PHLPP2: variants seen among roughly 807,000 people sequenced by gnomAD.
PHLPP2 encodes the protein PH domain leucine-rich repeat-containing protein phosphatase 2.
In PHLPP2, 66 loss-of-function variants were observed where a neutral mutation model predicts 124.9. The ratio of observed to expected loss-of-function variants is 0.53; its 90% CI spans 0.43 to 0.65. The LOEUF is 0.65. Ranked by LOEUF, PHLPP2 falls within the 30% of genes least tolerant of loss-of-function variation. The pLI, the probability that PHLPP2 is intolerant of heterozygous loss-of-function variation, is 0.00. For missense variants in PHLPP2, 1,685 were observed against 1,600.4 expected (o/e 1.05, Z -0.90); for synonymous variants, 681 against 624.7 (o/e 1.09, Z -1.34).
intron 3 of PHLPP2, among the ~76,000 whole-genome samples, chr16:71,702,000 AG>A (rs1462023428): frequency 3.9e-5 from 6 of 152,304 alleles, no homozygotes; most frequent in Non-Finnish European, 8.8e-5. Context: ...CCAGTGGATA[AG>A]GGGGGACTAC....
chr16:71,659,826 A>G (rs1017291631), intron 13 of PHLPP2, among the ~76,000 whole-genome samples: 3 of 152,314 alleles, frequency 2.0e-5, no homozygotes, highest in African/African-American at 4.8e-5. Flanking sequence ...GTTAACATGG[A>G]GAGAAAGTGA....
chr16:71,651,123 T>C (rs906515366), intron 18 of PHLPP2, among the ~76,000 whole-genome samples: 1 of 152,160 alleles, frequency 6.6e-6, no homozygotes, highest in Admixed American at 6.6e-5. Flanking sequence ...ACGGATCACC[T>C]GAGATGGGAG....
At chr16:71,660,151 C>T (rs1051587512) in intron 13 of PHLPP2, among the ~76,000 whole-genome samples, 7 of 151,708 alleles carry the variant, frequency 4.6e-5, no homozygotes, top group African/African-American at 1.7e-4. Context: ...TCTCTGATAA[C>T]ATTTTAGTAG....
chr16:71,676,953 T>C, intron 8 of PHLPP2: 1 of 332,860 alleles, frequency 3.0e-6, no homozygotes, highest in Non-Finnish European at 5.7e-6. Context: ...TTCACCATGT[T>C]GGCCAGGCTT....
At chr16:71,667,130 G>A (rs767141226) in intron 12 of PHLPP2, 48 bp downstream of exon 12, 2 of 1,504,232 alleles carry the variant, frequency 1.3e-6, no homozygotes, top group Admixed American at 3.5e-5. Context: ...ACTGCAGTCT[G>A]TTTAGCCAAT....
intron 1 of PHLPP2, among the ~76,000 whole-genome samples, chr16:71,723,029 T>C (rs1206758622): frequency 6.6e-6 from 1 of 152,214 alleles, no homozygotes; most frequent in Non-Finnish European, 1.5e-5. Context: ...GAAGCCCCGC[T>C]AGCTGCCTGT....
chr16:71,681,851 C>T lies in PHLPP2; in HGVS notation c.790G>A (p.Val264Ile), dbSNP rs2045001989. 1.9e-6 allele frequency: 3 copies of T among 1,613,606 alleles called. No homozygotes were observed. In the African/African-American group the frequency reaches 4.0e-5, roughly 22 times the overall value. Reference sequence around the variant, plus strand: ...TGACTATAGAAGAGATGCTCAGGAACCTCCTCGAGGCTGTAACACGAGAGA... The same window carrying T: ...TGACTATAGAAGAGATGCTCAGGAATCTCCTCGAGGCTGTAACACGAGAGA... ...VDLSCYSLEE[V>I]PEHLFYSQDI... is the part of the protein sequence containing the mutation. Residue 264 changes from valine (V) to isoleucine (I), a missense_variant, in exon 6 of 19, where the codon GTT becomes ATT. Coordinates refer to ENST00000568954, the MANE Select transcript of PHLPP2 (RefSeq NM_015020.3).
At chr16:71,677,785 C>A (rs1400320841) in intron 8 of PHLPP2, 2 of 151,806 alleles carry the variant, frequency 1.3e-5, no homozygotes, top group Non-Finnish European at 2.9e-5. Flanking sequence ...AGTAATGAAA[C>A]CCTTAACATT....
chr16:71,720,393 T>C (rs962577482), intron 1 of PHLPP2, among the ~76,000 whole-genome samples: 6 of 152,142 alleles, frequency 3.9e-5, no homozygotes, highest in Admixed American at 1.3e-4. Context: ...GTTGGGATTA[T>C]AGTAGTTAGC....
rs1279279287 is a variant in PHLPP2 at position 71,663,354 on chromosome 16, G to A, written c.1985+545C>T. On this transcript the variant is annotated intron_variant, in intron 13 of 18. Coordinates refer to ENST00000568954, the MANE Select transcript of PHLPP2 (RefSeq NM_015020.3). ...TCTCGAACTCACGAACTTGTGATCC[G>A]CCCGCCTTGGCCTCCCAAAGTGTTG... Among the ~76,000 whole-genome samples, 5 of 152,278 alleles carry A rather than the reference G, an allele frequency of 3.3e-5. No individual in the cohort carries two copies. In the Middle Eastern group the frequency reaches 0.01, roughly 311 times the overall value.
Position 71,681,826 on chromosome 16 carries a change from T to G in PHLPP2, c.815A>C (p.Gln272Pro), listed in dbSNP as rs767854960. 4 of 1,613,850 alleles carry G rather than the reference T, an allele frequency of 2.5e-6. No individual in the cohort carries two copies. Among genetic ancestry groups the G allele is most frequent in the East Asian group, 4.5e-5 (2 of 44,868 alleles). ...EEVPEHLFYSQDITYLNLRHN... is the reference protein window; with the variant it reads ...EEVPEHLFYSPDITYLNLRHN... ...TCGCAAGTTGAGGTAGGTAATATCT[T>G]GACTATAGAAGAGATGCTCAGGAAC... The change falls in exon 6 of 19, where the codon CAA (glutamine) becomes CCA (proline). Residue 272 changes from glutamine (Q) to proline (P), a missense_variant. By Grantham distance (76) the Gln-to-Pro change is moderately conservative. Coordinates refer to ENST00000568954, the MANE Select transcript of PHLPP2 (RefSeq NM_015020.3).
intron 13 of PHLPP2, among the ~76,000 whole-genome samples, chr16:71,659,555 A>G (rs927331447): frequency 6.6e-6 from 1 of 152,094 alleles, no homozygotes; most frequent in Non-Finnish European, 1.5e-5. Context: ...CCGGCCCATC[A>G]CTAAGATTCT....
Position 71,649,292 on chromosome 16 carries a change from A to C in PHLPP2, c.3570T>G (p.Pro1190=). The C allele has an allele frequency of 6.2e-7, 1 of 1,614,042 alleles. No individual in the cohort carries two copies. Among genetic ancestry groups the C allele is most frequent in the African/African-American group, 1.3e-5 (1 of 75,042 alleles). The change falls in exon 19 of 19, where the codon CCT becomes CCG. Residue 1190 remains proline, a synonymous_variant. Transcript: ENST00000568954. ...TAGCATGTTCCTCAGAACACAGGGT[A>C]GGAGAACTCTCTATGAGAGGGGGTG... ...ENSPPLIESS[P]TLCSEEHARG...
chr16:71,724,115 G>T (rs2045418661), intron 1 of PHLPP2: 1 of 153,308 alleles, frequency 6.5e-6, no homozygotes, highest in African/African-American at 2.4e-5. Flanking sequence ...ACCGCAGAGC[G>T]CTGGGCCTCC....
In PHLPP2 at chr16:71,676,548, C is replaced by G; in HGVS notation, c.1370G>C (p.Ser457Thr). Residue 457 changes from serine to threonine, a missense_variant, in exon 9 of 19, where the codon AGC becomes ACC. By Grantham distance (58) the Ser-to-Thr change is moderately conservative. Coordinates refer to ENST00000568954, the MANE Select transcript of PHLPP2 (RefSeq NM_015020.3). ...RDNRLTDLDLSSLCSLEQLHC... is the reference protein window; with the variant it reads ...RDNRLTDLDLTSLCSLEQLHC... ...CAGCTGTTCCAAGCTGCATAAGGAG[C>G]TAAGATCCAAGTCAGTCAGTCGGTT... The G allele has an allele frequency of 6.2e-7, 1 of 1,614,100 alleles. No homozygotes were observed. Among genetic ancestry groups the G allele is most frequent in the Non-Finnish European group, 8.5e-7 (1 of 1,179,924 alleles).
intron 4 of PHLPP2, among the ~76,000 whole-genome samples, chr16:71,687,509 T>C (rs1420332070): frequency 6.6e-6 from 1 of 152,226 alleles, no homozygotes; most frequent in Non-Finnish European, 1.5e-5. Flanking sequence ...ACAATCATTA[T>C]GATTACTGAT....
intron 1 of PHLPP2, among the ~76,000 whole-genome samples, chr16:71,717,995 G>A (rs781057520): frequency 1.3e-5 from 2 of 152,140 alleles, no homozygotes; most frequent in African/African-American, 2.4e-5. Context: ...GACCTCAAGT[G>A]ATCCTAAAGC....
intron 5 of PHLPP2, among the ~76,000 whole-genome samples, chr16:71,682,941 C>T (rs892737857): frequency 3.9e-5 from 6 of 152,106 alleles, no homozygotes; most frequent in South Asian, 2.1e-4. Flanking sequence ...GAGGCCAAGG[C>T]GGGCGGATCA....
At chr16:71,723,830 T>G (rs1846309441) in intron 1 of PHLPP2, 1 of 1,246,712 alleles carries the variant, frequency 8.0e-7, no homozygotes. Context: ...CTCCGGGGGC[T>G]CCAGCGGGCC....
Sources: gnomAD v4.1 joint callset for allele counts (sites outside exome capture counted in the v4.1 genomes callset) on GRCh38, gnomAD v4.1.1 for gene constraint, MANE v1.5 for transcripts, NCBI Gene and HGNC (gene_info 2026-07-23, HGNC 2026-07-21) for gene names.